MAN1A2: variants seen among roughly 807,000 people sequenced by gnomAD.
MAN1A2 encodes mannosidase alpha class 1A member 2, also known as mannosyl-oligosaccharide 1,2-alpha-mannosidase IB.
In MAN1A2, 26 loss-of-function variants were observed where a neutral mutation model predicts 75.7. That is an observed-to-expected ratio of 0.34 (90% CI 0.25 to 0.48). MAN1A2 has a LOEUF of 0.48. MAN1A2 is among the 20% of genes least tolerant of loss of function. The pLI, the probability that MAN1A2 is intolerant of heterozygous loss-of-function variation, is 0.99. For synonymous variants in MAN1A2, 247 were observed against 264.6 expected (o/e 0.93, Z 0.65); for missense variants, 562 against 775.5 (o/e 0.72, Z 3.27).
rs190125882 is a variant in MAN1A2, at chr1:117,487,809, C to G, written c.1169-5338C>G. On this transcript the variant is annotated intron_variant, in intron 8 of 12. Transcript: ENST00000356554. ...ATTAAGTATAAGGGACTCTCCCTAT[C>G]TACTCTATTCATTTCTGTATTGTTT... is the stretch of plus-strand genomic sequence containing the variant. Among the ~76,000 whole-genome samples the G allele has an allele frequency of 5.6e-4, 85 of 152,196 alleles. No individual in the cohort carries two copies. In the Middle Eastern group the frequency reaches 0.01, roughly 18 times the overall value.
At chr1:117,500,176 G>C (rs1385719944) in intron 11 of MAN1A2, among the ~76,000 whole-genome samples, 1 of 151,814 alleles carries the variant, frequency 6.6e-6, no homozygotes, top group African/African-American at 2.4e-5. Context: ...GAAGATTGGA[G>C]CCATTATGTA....
At chr1:117,438,591 A>C (rs10923295) in intron 5 of MAN1A2, among the ~76,000 whole-genome samples, 18,245 of 152,156 alleles carry the variant, frequency 0.12, 1,165 homozygotes, top group Non-Finnish European at 0.14. Flanking sequence ...AATTTTCAGT[A>C]CTGCAGGTTT....
At chr1:117,473,697 T>A (rs899387803) in intron 8 of MAN1A2, among the ~76,000 whole-genome samples, 4 of 152,034 alleles carry the variant, frequency 2.6e-5, no homozygotes. Context: ...GATATTCACA[T>A]AGCTCAATCC....
At chr1:117,510,159 G>A (rs958286889) in intron 12 of MAN1A2, among the ~76,000 whole-genome samples, 5 of 151,892 alleles carry the variant, frequency 3.3e-5, no homozygotes, top group Non-Finnish European at 7.4e-5. Flanking sequence ...GTGCTTCAGT[G>A]AATGTCCTTT....
chr1:117,405,391 G>A (rs181226535), intron 2 of MAN1A2, among the ~76,000 whole-genome samples, 158 bp from the exon 3 acceptor site: 5 of 152,252 alleles, frequency 3.3e-5, no homozygotes, highest in South Asian at 2.1e-4. Flanking sequence ...ACATAGTTAT[G>A]TATGTTTTCA....
chr1:117,517,246 A>G (rs1455197052), intron 12 of MAN1A2, among the ~76,000 whole-genome samples: 2 of 152,208 alleles, frequency 1.3e-5, no homozygotes, highest in Non-Finnish European at 2.9e-5. Flanking sequence ...ACTACCACCC[A>G]ACAAAGTAAA....
chr1:117,474,083 T>C (rs1267887067), intron 8 of MAN1A2, among the ~76,000 whole-genome samples: 1 of 152,024 alleles, frequency 6.6e-6, no homozygotes, highest in Non-Finnish European at 1.5e-5. Context: ...TTTAACTGTC[T>C]GGGTACAACA....
Position 117,429,718 on chromosome 1 carries a change from C to G in MAN1A2, c.855+9069C>G, listed in dbSNP as rs1340131680. ...TGGCCGGGCAGGGGGGCTGACCCCC[C>G]CCACCTCCCTCCCGGACGGGGCGGC... On this transcript the variant is annotated intron_variant, in intron 5 of 12. Coordinates refer to ENST00000356554, the MANE Select transcript of MAN1A2 (RefSeq NM_006699.5). Among the ~76,000 whole-genome samples the G allele has an allele frequency of 2.7e-5, 3 of 111,652 alleles. No homozygotes were observed. In the East Asian group the frequency reaches 8.1e-4, roughly 30 times the overall value. The allele number at this position is 111,652 out of a possible 152,430, so 73.2% of individuals were successfully genotyped here.
At position 117,520,256 on chromosome 1, in the gene MAN1A2, C is replaced by T. The variant is rs191193103; in HGVS notation, c.1794-2569C>T. On this transcript the variant is annotated intron_variant, in intron 12 of 12. Transcript: ENST00000356554. ...CAGTTGAAAGCATTCCCTCTGAGAACTGGAACAAGACAAGGATGCCCACTC... is the reference window on the plus strand; with the variant it reads ...CAGTTGAAAGCATTCCCTCTGAGAATTGGAACAAGACAAGGATGCCCACTC... 1.5e-3 allele frequency among the ~76,000 whole-genome samples: 226 copies of T among 152,128 alleles called. 2 individuals are homozygous for T. The highest frequency in any genetic ancestry group is 2.8e-3 in the Non-Finnish European group (190 of 67,952).
rs182514640 is a variant in MAN1A2, at chr1:117,454,629, A to G, written c.951-5860A>G. Among the ~76,000 whole-genome samples, 562 of 152,352 alleles carry G rather than the reference A, an allele frequency of 3.7e-3. 6 individuals are homozygous for G. Among genetic ancestry groups the G allele is most frequent in the African/African-American group, 0.013 (534 of 41,592 alleles). ...GTTAGAAATTTTAAGGAACTTTCTAATGACAACAGATGGAAAAACAGATTT... is the reference window on the plus strand; with the variant it reads ...GTTAGAAATTTTAAGGAACTTTCTAGTGACAACAGATGGAAAAACAGATTT... On this transcript the variant is annotated intron_variant, in intron 6 of 12. Transcript: ENST00000356554.
At chr1:117,431,434 TCTC>T (rs1245610019) in intron 5 of MAN1A2, among the ~76,000 whole-genome samples, 5 of 152,092 alleles carry the variant, frequency 3.3e-5, no homozygotes, top group African/African-American at 1.2e-4. Context: ...TCAACATTCT[TCTC>T]TTCAACTGAT....
chr1:117,389,284 T>A (rs1653641977), intron 1 of MAN1A2, among the ~76,000 whole-genome samples: 1 of 152,192 alleles, frequency 6.6e-6, no homozygotes, highest in Admixed American at 6.5e-5. Flanking sequence ...AGGGACTGGT[T>A]TCATAGAAGA....
intron 8 of MAN1A2, among the ~76,000 whole-genome samples, chr1:117,470,169 A>T (rs1650103144): frequency 6.6e-6 from 1 of 152,166 alleles, no homozygotes; most frequent in Non-Finnish European, 1.5e-5. Context: ...CTATAATATA[A>T]ACAAACCTTG....
At chr1:117,441,640 C>G (rs1649037623) in intron 5 of MAN1A2, among the ~76,000 whole-genome samples, 1 of 151,980 alleles carries the variant, frequency 6.6e-6, no homozygotes, top group Admixed American at 6.6e-5. Context: ...ATTTTACTAT[C>G]TATATGATTT....
intron 1 of MAN1A2, among the ~76,000 whole-genome samples, chr1:117,389,911 G>T (rs1329191181): frequency 6.6e-6 from 1 of 152,014 alleles, no homozygotes; most frequent in African/African-American, 2.4e-5. Context: ...TTTTCATCAG[G>T]AATGGATATT....
chr1:117,437,856 A>G (rs960533738), intron 5 of MAN1A2, among the ~76,000 whole-genome samples: 5 of 152,196 alleles, frequency 3.3e-5, no homozygotes, highest in Non-Finnish European at 5.9e-5. Context: ...AGGGGGCTAG[A>G]GTTGGTATGG....
intron 1 of MAN1A2, among the ~76,000 whole-genome samples, chr1:117,400,878 T>C (rs1647403033): frequency 6.6e-6 from 1 of 152,176 alleles, no homozygotes; most frequent in South Asian, 2.1e-4. Context: ...AAATTTACCA[T>C]CTTAACCATT....
intron 7 of MAN1A2, among the ~76,000 whole-genome samples, chr1:117,462,672 A>G (rs1649857772): frequency 6.6e-6 from 1 of 152,164 alleles, no homozygotes; most frequent in Admixed American, 6.6e-5. Flanking sequence ...TGGTGATGGC[A>G]GTAGATAAAA....
chr1:117,469,128 G>C (rs1026163562), intron 8 of MAN1A2, among the ~76,000 whole-genome samples: 1 of 151,948 alleles, frequency 6.6e-6, no homozygotes, highest in African/African-American at 2.4e-5. Context: ...AACCGAGATT[G>C]TGCCACTGCA....
Sources: gnomAD v4.1 joint callset for allele counts (sites outside exome capture counted in the v4.1 genomes callset) on GRCh38, gnomAD v4.1.1 for gene constraint, MANE v1.5 for transcripts, NCBI Gene and HGNC (gene_info 2026-07-23, HGNC 2026-07-21) for gene names.